Variants in ARHGAP23 observed in about 807,000 individuals in gnomAD.
ARHGAP23 encodes Rho GTPase activating protein 23.
A neutral mutation model predicts 136.3 loss-of-function variants in ARHGAP23; 34 were observed. The observed-to-expected ratio is 0.25, with a 90% CI of 0.19 to 0.33. ARHGAP23 has a LOEUF of 0.33. Among genes scored for constraint, ARHGAP23 ranks in the 10% least tolerant of loss-of-function variants. The probability of loss-of-function intolerance (pLI) is 1.00; values close to 1 mark genes in which losing one functional copy is unlikely to be tolerated. For synonymous variants in ARHGAP23, 832 were observed against 920.5 expected, an observed-to-expected ratio of 0.90 and a Z score of 1.74; for missense variants, 1,808 against 2,139.0, an observed-to-expected ratio of 0.85 and a Z score of 3.05.
At chr17:38,438,455 G>A (rs2038852355) in intron 1 of ARHGAP23, among the ~76,000 whole-genome samples, 1 of 152,154 alleles carries the variant, frequency 6.6e-6, no homozygotes, top group Non-Finnish European at 1.5e-5. Flanking sequence ...GCCTCTTAAG[G>A]GATTGATGAA....
intron 1 of ARHGAP23, among the ~76,000 whole-genome samples, chr17:38,440,395 A>G (rs1444804635): frequency 6.6e-6 from 1 of 152,172 alleles, no homozygotes; most frequent in Non-Finnish European, 1.5e-5. Flanking sequence ...GTTTTATAAA[A>G]CCAGGGACTG....
chr17:38,462,817 C>T, intron 3 of ARHGAP23, 29 bp from the exon 4 acceptor site: 1 of 1,461,448 alleles, frequency 6.8e-7, no homozygotes, highest in Non-Finnish European at 9.1e-7. Flanking sequence ...CCCCAGCCAC[C>T]CCCAGCTAAC....
chr17:38,505,955 C>T (rs1412438300), intron 23 of ARHGAP23, among the ~76,000 whole-genome samples: 1 of 151,624 alleles, frequency 6.6e-6, no homozygotes, highest in Non-Finnish European at 1.5e-5. Context: ...GAAAGTTATG[C>T]ACTCTTGCTC....
rs150868217 is a variant in ARHGAP23 at position 38,449,191 on chromosome 17, A to G, written c.64-8911A>G. Among the ~76,000 whole-genome samples the G allele has an allele frequency of 8.8e-4, 134 of 152,300 alleles. 2 individuals carry two copies. The highest frequency in any genetic ancestry group is 1.1e-3 in the Non-Finnish European group (78 of 68,018). ...TGATGGTGGTGGGATGTCTGGAGTGACAAGTGCTTCCTCATCTCCCTTCCC... is the reference window on the plus strand; with the variant it reads ...TGATGGTGGTGGGATGTCTGGAGTGGCAAGTGCTTCCTCATCTCCCTTCCC... On this transcript the variant is annotated intron_variant, in intron 1 of 23. Coordinates refer to ENST00000622683, the MANE Select transcript of ARHGAP23 (RefSeq NM_001199417.2).
intron 21 of ARHGAP23, 82 bp from the exon 22 acceptor site, chr17:38,498,332 C>G: frequency 9.1e-7 from 1 of 1,100,090 alleles, no homozygotes; most frequent in Non-Finnish European, 1.3e-6. Flanking sequence ...GACATGGGCT[C>G]TGTCATCAGG....
At chr17:38,473,723 C>T (rs1320562206) in intron 11 of ARHGAP23, among the ~76,000 whole-genome samples, 1 of 151,804 alleles carries the variant, frequency 6.6e-6, no homozygotes, top group Non-Finnish European at 1.5e-5. Context: ...GAGGCTGAGA[C>T]ACGAAAGGGT....
At chr17:38,487,733 G>A (rs531683136) in intron 17 of ARHGAP23, among the ~76,000 whole-genome samples, 1 of 151,524 alleles carries the variant, frequency 6.6e-6, no homozygotes, top group South Asian at 2.1e-4. Flanking sequence ...ATGTGGTGGC[G>A]GGTGCCTGTA....
chr17:38,510,575 C>T lies in ARHGAP23; in HGVS notation c.4079C>T (p.Ala1360Val), dbSNP rs1222345919. 16 of 1,248,276 alleles carry T rather than the reference C, an allele frequency of 1.3e-5. No individual in the cohort carries two copies. In the African/African-American group the frequency reaches 1.7e-4, roughly 14 times the overall value. 77.3% of individuals were successfully genotyped at this position (1,248,276 alleles called of 1,614,324 possible). A position where few individuals can be genotyped will look rare whatever the true frequency, so the allele number is the denominator to read the frequency against. Residue 1360 changes from alanine to valine, a missense_variant, in exon 24 of 24, where the codon GCG (alanine) becomes GTG (valine). Physicochemically the swap from Ala to Val is moderately conservative, Grantham distance 64. Transcript: ENST00000622683. This position sits in a 1 kb window ranked among gnomAD's most constrained non-coding sequence, Gnocchi z 4.6. ...CAGGAGTCGCTGCGGCCCCCGGCGG[C>T]GGCGCTGGCCTCCCGGCCCTCGCGC... The part of the protein sequence containing the change: ...SSQESLRPPA[A>V]ALASRPSRME...
chr17:38,499,983 A>T (rs961423666), intron 22 of ARHGAP23, among the ~76,000 whole-genome samples: 1 of 152,124 alleles, frequency 6.6e-6, no homozygotes, highest in Non-Finnish European at 1.5e-5. Context: ...GACCCTGCCC[A>T]TGAGGCAGGG....
intron 1 of ARHGAP23, among the ~76,000 whole-genome samples, chr17:38,442,287 G>A (rs150284433): frequency 2.0e-5 from 3 of 151,904 alleles, no homozygotes; most frequent in Admixed American, 1.3e-4. Flanking sequence ...CAGCACCCCC[G>A]ACTTCTGGAT....
In ARHGAP23 at chr17:38,469,925, T is replaced by C. The variant is rs1035118462; in HGVS notation, c.1974+21T>C. The C allele has an allele frequency of 2.6e-6, 4 of 1,551,320 alleles. No individual in the cohort carries two copies. In the African/African-American group the frequency reaches 5.5e-5, roughly 21 times the overall value. On this transcript the variant is annotated intron_variant, in intron 10 of 23. Transcript: ENST00000622683. Reference sequence around the variant, plus strand: ...ACGGGGTGAGAGCTGCAAGTGTGTGTGCGTGCGCAGGAGCGAGGGTGTGGG... The same window carrying C: ...ACGGGGTGAGAGCTGCAAGTGTGTGCGCGTGCGCAGGAGCGAGGGTGTGGG...
Position 38,491,446 on chromosome 17 carries a change from C to G in ARHGAP23, c.3190C>G (p.Leu1064Val). Reference protein sequence around the residue: ...RNLALVFGPTLVRTSEDNMTD... With the variant: ...RNLALVFGPTVVRTSEDNMTD... Reference sequence around the variant, plus strand: ...CCTGGCCCTGGTCTTTGGGCCGACACTGGTGAGGACGTCTGAGGACAACAT... The same window carrying G: ...CCTGGCCCTGGTCTTTGGGCCGACAGTGGTGAGGACGTCTGAGGACAACAT... The change falls in exon 20 of 24, where the codon CTG (leucine) becomes GTG (valine). Residue 1064 changes from leucine (L) to valine (V), a missense_variant. By Grantham distance (32) the Leu-to-Val change is conservative. This residue lies in a region of ARHGAP23 where 22 missense variants were observed against 67.5 expected (regional missense o/e 0.33). Coordinates refer to ENST00000622683, the MANE Select transcript of ARHGAP23 (RefSeq NM_001199417.2). The G allele has an allele frequency of 6.5e-7, 1 of 1,549,682 alleles. No individual in the cohort carries two copies. The highest frequency in any genetic ancestry group is 8.7e-7 in the Non-Finnish European group (1 of 1,146,846).
intron 10 of ARHGAP23, among the ~76,000 whole-genome samples, chr17:38,470,660 C>A (rs1278019110): frequency 1.3e-5 from 2 of 151,974 alleles, no homozygotes; most frequent in African/African-American, 4.8e-5. Context: ...CCTCAGCCTC[C>A]CGAGCAGCTG....
upstream of ARHGAP23, among the ~76,000 whole-genome samples, chr17:38,427,463 A>G (rs909537790): frequency 9.3e-5 from 5 of 53,696 alleles, no homozygotes; most frequent in Non-Finnish European, 1.8e-4. Flanking sequence ...GACCCTGCCG[A>G]AAAAAAAAAA....
chr17:38,501,179 A>G (rs571959968), intron 23 of ARHGAP23: 2 of 152,616 alleles, frequency 1.3e-5, no homozygotes, highest in Admixed American at 6.5e-5. Flanking sequence ...TTTGAAAAAA[A>G]ATCAGTGAAA....
chr17:38,487,024 C>T (rs1198688560), intron 17 of ARHGAP23, among the ~76,000 whole-genome samples: 1 of 152,172 alleles, frequency 6.6e-6, no homozygotes, highest in African/African-American at 2.4e-5. Flanking sequence ...TAATGCCTAG[C>T]GTTTTCCAGC....
At position 38,510,770 on chromosome 17, in the gene ARHGAP23, T is replaced by C. The variant is rs1464077874; in HGVS notation, c.4274T>C (p.Leu1425Pro). 14 of 1,494,720 alleles carry C rather than the reference T, an allele frequency of 9.4e-6. No homozygotes were observed. The highest frequency in any genetic ancestry group is 1.2e-5 in the Non-Finnish European group (14 of 1,124,668). 92.6% of individuals were successfully genotyped at this position (1,494,720 alleles called of 1,614,324 possible). ...CTCAACTTCAACGAGTGGAAGGAGC[T>C]GGGCGGAGGGGGCCCCCCGGAGCCT... ...TDLNFNEWKE[L>P]GGGGPPEPAG... The change falls in exon 24 of 24, where the codon CTG (leucine) becomes CCG (proline). Residue 1425 changes from leucine to proline, a missense_variant. By Grantham distance (98) the Leu-to-Pro change is moderately conservative. Around this residue, in one of 7 missense-constraint regions of ARHGAP23, gnomAD observed 506 missense variants for 455.8 expected, o/e 1.11. Coordinates refer to ENST00000622683, the MANE Select transcript of ARHGAP23 (RefSeq NM_001199417.2). The surrounding 1 kb of genome is among the most constrained non-coding windows in gnomAD (Gnocchi z 4.6).
Position 38,463,146 on chromosome 17 carries a change from A to G in ARHGAP23, c.378A>G (p.Glu126=), listed in dbSNP as rs923979519. The G allele has an allele frequency of 5.8e-6, 9 of 1,551,568 alleles. No homozygotes were observed. The highest frequency in any genetic ancestry group is 7.0e-6 in the Non-Finnish European group (8 of 1,146,910). The change falls in exon 5 of 24, where the codon GAA becomes GAG. Residue 126 remains glutamate, a synonymous_variant. Transcript: ENST00000622683. ...TGDRLVKVNG[E]SVIGKTYSQV... Reference sequence around the variant, plus strand: ...ACCGGCTGGTAAAGGTGAATGGGGAAAGCGTCATTGGGAAGACCTACTCTC... The same window carrying G: ...ACCGGCTGGTAAAGGTGAATGGGGAGAGCGTCATTGGGAAGACCTACTCTC...
Position 38,511,106 on chromosome 17 carries a change from T to A in ARHGAP23, c.*134T>A. ...TGGGTGGAGGGCGCAGCAGGCAGTG[T>A]CTCTAGTTGGTGTGCTGGAACTGGC... On this transcript the variant is annotated 3_prime_UTR_variant, in exon 24 of 24. Transcript: ENST00000622683. 2.1e-6 allele frequency: 2 copies of A among 973,096 alleles called. No homozygotes were observed. Among genetic ancestry groups the A allele is most frequent in the Non-Finnish European group, 2.8e-6 (2 of 715,010 alleles). The allele number at this position is 973,096 out of a possible 1,614,324, so 60.3% of individuals were successfully genotyped here. A position where few individuals can be genotyped will look rare whatever the true frequency, so the allele number is the denominator to read the frequency against.
Sources: gnomAD v4.1 joint callset for allele counts (sites outside exome capture counted in the v4.1 genomes callset) on GRCh38, gnomAD v4.1.1 for gene constraint, gnomAD v4.1.1 regional missense constraint, Gnocchi (gnomAD v3.1) non-coding constraint, MANE v1.5 for transcripts, NCBI Gene and HGNC (gene_info 2026-07-23, HGNC 2026-07-21) for gene names.